SLIT3: variants seen among roughly 807,000 people sequenced by gnomAD.
SLIT3 encodes the protein slit guidance ligand 3, also known as slit homolog 3 protein.
Under a neutral mutation model 184.0 loss-of-function variants are expected in SLIT3, and 68 were observed. The observed-to-expected ratio is 0.37, with a 90% CI of 0.30 to 0.45. The LOEUF is 0.45. Ranked by LOEUF, SLIT3 falls within the 20% of genes least tolerant of loss-of-function variation. The probability of loss-of-function intolerance (pLI) is 1.00; values close to 1 mark genes in which losing one functional copy is unlikely to be tolerated. For synonymous variants in SLIT3, 831 were observed against 828.6 expected (o/e 1.00, Z -0.05); for missense variants, 1,707 against 2,026.0 (o/e 0.84, Z 3.02).
rs1215336493 is a variant in SLIT3 at position 168,662,512 on chromosome 5, C to G, written c.*3942G>C. On this transcript the variant is annotated 3_prime_UTR_variant, in exon 36 of 36. Transcript: ENST00000519560. ...TCCCTCTTCTTGCCCTTCTTCTCAT[C>G]TTTTTGAAGCATCAGACTTGAGTTC... is the stretch of plus-strand genomic sequence containing the variant. The G allele has an allele frequency of 6.6e-6, 1 of 151,972 alleles. No homozygotes were observed. Among genetic ancestry groups the G allele is most frequent in the East Asian group, 1.9e-4 (1 of 5,178 alleles). 9.4% of individuals were successfully genotyped at this position (151,972 alleles called of 1,614,324 possible).
intron 1 of SLIT3, among the ~76,000 whole-genome samples, chr5:169,268,269 G>C (rs1766468655): frequency 6.6e-6 from 1 of 152,204 alleles, no homozygotes; most frequent in South Asian, 2.1e-4. Flanking sequence ...ATGCACCAGA[G>C]AGTTAGCTTC....
Position 168,666,215 on chromosome 5 carries a change from ATG to A in SLIT3, c.*237_*238del. ...AAACTTGGTAAAAATAACTCACTAT[ATG>A]GTACATATACGCAGATGGTGTAATA... On this transcript the variant is annotated 3_prime_UTR_variant, in exon 36 of 36. Coordinates refer to ENST00000519560, the MANE Select transcript of SLIT3 (RefSeq NM_003062.4). The A allele has an allele frequency of 2.7e-6, 1 of 367,862 alleles. No individual in the cohort carries two copies. Among genetic ancestry groups the A allele is most frequent in the South Asian group, 1.1e-4 (1 of 8,754 alleles). 22.8% of individuals were successfully genotyped at this position (367,862 alleles called of 1,614,324 possible). A position where few individuals can be genotyped will look rare whatever the true frequency, so the allele number is the denominator to read the frequency against.
At chr5:169,251,740 CTCAGATCATG>C (rs1469846526) in intron 1 of SLIT3, among the ~76,000 whole-genome samples, 1 of 152,190 alleles carries the variant, frequency 6.6e-6, no homozygotes, top group East Asian at 1.9e-4. Context: ...TCCCCCAACT[CTCAGATCATG>C]TCATACAAAT....
rs760563804 is a variant in SLIT3, at chr5:168,685,709, G to A, written c.3533C>T (p.Pro1178Leu). ...YVELASAKVR[P>L]QANISLQVAT... ...CACCTGCAGGGAGATGTTGGCCTGG[G>A]GTCGGACCTTGGCGGAGGCCAGTTC... The change falls in exon 31 of 36, where the codon CCC (proline) becomes CTC (leucine). Residue 1178 changes from proline to leucine, a missense_variant. Pro to Leu is a moderately conservative substitution (Grantham distance 98). Around this residue, in one of 3 missense-constraint regions of SLIT3, gnomAD observed 387 missense variants for 477.9 expected, o/e 0.81. Coordinates refer to ENST00000519560, the MANE Select transcript of SLIT3 (RefSeq NM_003062.4). 9.6e-6 allele frequency: 15 copies of A among 1,568,682 alleles called. No individual in the cohort carries two copies. In the South Asian group the frequency reaches 1.8e-4, roughly 19 times the overall value.
At chr5:168,985,368 C>T (rs1755087510) in intron 4 of SLIT3, among the ~76,000 whole-genome samples, 1 of 152,164 alleles carries the variant, frequency 6.6e-6, no homozygotes, top group Non-Finnish European at 1.5e-5. Flanking sequence ...GATTGGGCTT[C>T]AGCAATCTCT....
intron 3 of SLIT3, among the ~76,000 whole-genome samples, chr5:169,225,143 G>A (rs1291394927): frequency 2.0e-5 from 3 of 152,196 alleles, no homozygotes; most frequent in African/African-American, 7.2e-5. Context: ...CACCCACTAT[G>A]TGACAAGTCT....
chr5:168,745,823 T>C (rs1241689222), intron 20 of SLIT3, among the ~76,000 whole-genome samples: 3 of 152,178 alleles, frequency 2.0e-5, no homozygotes, highest in Non-Finnish European at 4.4e-5. Flanking sequence ...CAAACCTCAC[T>C]ACTGTCTTAT....
chr5:169,222,427 T>C (rs1193949525), intron 3 of SLIT3, among the ~76,000 whole-genome samples: 2 of 152,314 alleles, frequency 1.3e-5, no homozygotes, highest in East Asian at 1.9e-4. Context: ...CCATTGCTAG[T>C]AAAGAATCGT....
chr5:169,228,364 G>T (rs1381033434), intron 3 of SLIT3, among the ~76,000 whole-genome samples: 1 of 152,012 alleles, frequency 6.6e-6, no homozygotes, highest in Non-Finnish European at 1.5e-5. Context: ...ACCAAAGCAG[G>T]AGAACATACT....
At chr5:168,950,392 A>C (rs948053225) in intron 4 of SLIT3, among the ~76,000 whole-genome samples, 1 of 152,240 alleles carries the variant, frequency 6.6e-6, no homozygotes, top group Non-Finnish European at 1.5e-5. Context: ...CCAGTGGAAC[A>C]AAACAAGCTC....
At chr5:168,991,450 G>A (rs1214266212) in intron 4 of SLIT3, among the ~76,000 whole-genome samples, 2 of 152,222 alleles carry the variant, frequency 1.3e-5, no homozygotes, top group African/African-American at 4.8e-5. Context: ...GGGGACACGG[G>A]AGCCCCAGGT....
chr5:169,271,697 G>A (rs1766622490), intron 1 of SLIT3, among the ~76,000 whole-genome samples: 1 of 152,192 alleles, frequency 6.6e-6, no homozygotes, highest in East Asian at 1.9e-4. Context: ...CACACCAGAA[G>A]CAAGAAAGCC....
chr5:168,973,993 A>G (rs960593866), intron 4 of SLIT3, among the ~76,000 whole-genome samples: 2 of 152,234 alleles, frequency 1.3e-5, no homozygotes, highest in Non-Finnish European at 2.9e-5. Flanking sequence ...CTAGAAAACC[A>G]TAATTATGAA....
chr5:168,951,430 G>A (rs1045567244), intron 4 of SLIT3, among the ~76,000 whole-genome samples: 32 of 152,134 alleles, frequency 2.1e-4, no homozygotes, highest in Admixed American at 2.0e-3. Flanking sequence ...GCCACTGGGT[G>A]GGGGAGGTGG....
chr5:168,785,137 GCA>G (rs34278304), intron 12 of SLIT3, among the ~76,000 whole-genome samples: 33,570 of 140,456 alleles, frequency 0.24, 4,414 homozygotes, highest in Middle Eastern at 0.38. Flanking sequence ...GCACATGCAT[GCA>G]CACACACACA....
chr5:169,242,217 A>G (rs1257795770), intron 3 of SLIT3, among the ~76,000 whole-genome samples: 2 of 152,244 alleles, frequency 1.3e-5, no homozygotes, highest in African/African-American at 4.8e-5. Context: ...CCTTCTTGCT[A>G]ACACTGAAAG....
At chr5:168,988,803 T>C (rs775437253) in intron 4 of SLIT3, among the ~76,000 whole-genome samples, 1 of 152,136 alleles carries the variant, frequency 6.6e-6, no homozygotes, top group Admixed American at 6.5e-5. Flanking sequence ...AGCACTAGAA[T>C]TGAGCCTCGA....
At chr5:169,202,629 C>T (rs747755386) in intron 3 of SLIT3, among the ~76,000 whole-genome samples, 18 of 152,094 alleles carry the variant, frequency 1.2e-4, no homozygotes, top group East Asian at 3.9e-4. Context: ...GAATATTTGC[C>T]GGCCATGCCT....
At chr5:168,761,898 T>C (rs1755162001) in intron 15 of SLIT3, among the ~76,000 whole-genome samples, 1 of 147,388 alleles carries the variant, frequency 6.8e-6, no homozygotes, top group East Asian at 2.0e-4. Flanking sequence ...GCCACTATCA[T>C]GCCCAGCTAA....
Sources: gnomAD v4.1 joint callset for allele counts (sites outside exome capture counted in the v4.1 genomes callset) on GRCh38, gnomAD v4.1.1 for gene constraint, gnomAD v4.1.1 regional missense constraint, MANE v1.5 for transcripts, NCBI Gene and HGNC (gene_info 2026-07-23, HGNC 2026-07-21) for gene names.